Variants in CEP128 observed in about 807,000 individuals in gnomAD.
The protein encoded by CEP128 is centrosomal protein 128kDa.
Under a neutral mutation model 156.7 loss-of-function variants are expected in CEP128, and 132 were observed. That is an observed-to-expected ratio of 0.84 (90% CI 0.73 to 0.97). The LOEUF is 0.97. Ranked by LOEUF, CEP128 falls within the 50% of genes least tolerant of loss-of-function variation. The pLI, the probability that CEP128 is intolerant of heterozygous loss-of-function variation, is 0.00. For synonymous variants in CEP128, 469 were observed against 448.9 expected (o/e 1.04, Z -0.57); for missense variants, 1,252 against 1,281.9 (o/e 0.98, Z 0.36).
chr14:80,901,063 G>A (rs1033012487), intron 6 of CEP128, among the ~76,000 whole-genome samples: 19 of 151,888 alleles, frequency 1.3e-4, no homozygotes, highest in Non-Finnish European at 2.2e-4. Flanking sequence ...AAAATTAGCC[G>A]GGCGTGGTAG....
At chr14:80,600,393 A>G (rs959842240) in intron 19 of CEP128, among the ~76,000 whole-genome samples, 3 of 152,234 alleles carry the variant, frequency 2.0e-5, no homozygotes, top group African/African-American at 4.8e-5. Flanking sequence ...AGTGAGAGAA[A>G]AGTGACTTAT....
intron 19 of CEP128, among the ~76,000 whole-genome samples, chr14:80,685,136 T>C (rs1317528985): frequency 6.6e-6 from 1 of 152,006 alleles, no homozygotes; most frequent in Non-Finnish European, 1.5e-5. Flanking sequence ...ACCAACCAAT[T>C]ACCAAAAGAG....
At chr14:80,502,619 C>T (rs1887790313) in intron 24 of CEP128, among the ~76,000 whole-genome samples, 2 of 152,086 alleles carry the variant, frequency 1.3e-5, no homozygotes, top group South Asian at 4.1e-4. Context: ...TCTGACACCG[C>T]TTAGTCTGTG....
intron 9 of CEP128, among the ~76,000 whole-genome samples, chr14:80,857,746 AC>A (rs1566674701): frequency 3.4e-5 from 5 of 148,652 alleles, no homozygotes; most frequent in East Asian, 1.9e-4. Context: ...AAAAAAAACA[AC>A]AACAACAACA....
intron 19 of CEP128, among the ~76,000 whole-genome samples, chr14:80,582,315 C>T (rs1891626021): frequency 6.6e-6 from 1 of 152,144 alleles, no homozygotes; most frequent in Admixed American, 6.5e-5. Context: ...GACTTGCCAA[C>T]TGAAAGCAAT....
intron 6 of CEP128, among the ~76,000 whole-genome samples, chr14:80,900,725 T>G (rs1327822472): frequency 6.6e-6 from 1 of 152,172 alleles, no homozygotes; most frequent in African/African-American, 2.4e-5. Context: ...TTAGTAAAGC[T>G]GAATGTCAAA....
At chr14:80,523,279 A>T (rs1328901836) in intron 23 of CEP128, among the ~76,000 whole-genome samples, 1 of 152,202 alleles carries the variant, frequency 6.6e-6, no homozygotes, top group Non-Finnish European at 1.5e-5. Flanking sequence ...TCCTCTCCCA[A>T]ACTGAGATGT....
chr14:80,877,054 G>C (rs1025108072), intron 8 of CEP128, among the ~76,000 whole-genome samples: 4 of 152,152 alleles, frequency 2.6e-5, no homozygotes, highest in Admixed American at 6.5e-5. Flanking sequence ...GGGGTTTATG[G>C]AGTTGAGGTG....
intron 19 of CEP128, among the ~76,000 whole-genome samples, chr14:80,654,868 C>T (rs541589228): frequency 6.6e-6 from 1 of 152,206 alleles, no homozygotes; most frequent in African/African-American, 2.4e-5. Flanking sequence ...TTAGAGGCTA[C>T]AACTGCTCTT....
At chr14:80,642,103 A>G (rs1213259463) in intron 19 of CEP128, among the ~76,000 whole-genome samples, 2 of 150,936 alleles carry the variant, frequency 1.3e-5, no homozygotes, top group South Asian at 2.1e-4. Context: ...AAAAAAAAAG[A>G]AGAGAGAGAC....
At chr14:80,798,562 C>G (rs2139872220) in intron 13 of CEP128, among the ~76,000 whole-genome samples, 1 of 152,302 alleles carries the variant, frequency 6.6e-6, no homozygotes, top group African/African-American at 2.4e-5. Flanking sequence ...ATTTTAGACT[C>G]TCAGTAACCA....
intron 19 of CEP128, among the ~76,000 whole-genome samples, chr14:80,681,163 T>G (rs2139250581): frequency 6.6e-6 from 1 of 151,852 alleles, no homozygotes; most frequent in African/African-American, 2.4e-5. Context: ...ACCCTACCCA[T>G]GATCCTCTGC....
chr14:80,634,277 CT>C (rs1391744215), intron 19 of CEP128, among the ~76,000 whole-genome samples: 1 of 152,202 alleles, frequency 6.6e-6, no homozygotes, highest in East Asian at 1.9e-4. Context: ...TTTACACTCA[CT>C]ACATTCTAAT....
rs1350659487 is a variant in CEP128, at chr14:80,919,728, T to G, written c.-15-3166A>C. Among the ~76,000 whole-genome samples, 3 of 152,110 alleles carry G rather than the reference T, an allele frequency of 2.0e-5. No homozygotes were observed. The South Asian group carries it at 6.2e-4, about 32-fold the overall frequency. ...AAATTAAGAACAACATAAACTAAATTATCTCTAATCGTCATACAATACAAG... is the reference window on the plus strand; with the variant it reads ...AAATTAAGAACAACATAAACTAAATGATCTCTAATCGTCATACAATACAAG... On this transcript the variant is annotated intron_variant, in intron 2 of 24. Transcript: ENST00000555265.
intron 9 of CEP128, among the ~76,000 whole-genome samples, chr14:80,847,807 C>G (rs187876588): frequency 3.9e-5 from 6 of 152,282 alleles, no homozygotes; most frequent in Middle Eastern, 3.4e-3. Flanking sequence ...CTCAACTAAA[C>G]TAGGGGTCCC....
At chr14:80,572,016 G>C (rs1477832341) in intron 20 of CEP128, among the ~76,000 whole-genome samples, 1 of 152,218 alleles carries the variant, frequency 6.6e-6, no homozygotes, top group Non-Finnish European at 1.5e-5. Flanking sequence ...TTTTACCACA[G>C]TGTATGACAC....
At chr14:80,540,299 G>A (rs1035541847) in intron 21 of CEP128, among the ~76,000 whole-genome samples, 8 of 151,548 alleles carry the variant, frequency 5.3e-5, no homozygotes, top group Admixed American at 5.3e-4. Context: ...CGGCCCAGCT[G>A]TAAAATTTCT....
In CEP128 at chr14:80,823,359, G is replaced by T. The variant is rs141461288; in HGVS notation, c.1209+7784C>A. ...ACTTCCTGAAAGTCAGGGTCGGCTT[G>T]TGAAAAGTTGTTAAACAACATGCTA... On this transcript the variant is annotated intron_variant, in intron 13 of 24. Coordinates refer to ENST00000555265, the MANE Select transcript of CEP128 (RefSeq NM_152446.5). Among the ~76,000 whole-genome samples the T allele has an allele frequency of 9.2e-4, 140 of 152,326 alleles. 1 individual carries two copies. The highest frequency in any genetic ancestry group is 3.3e-3 in the African/African-American group (136 of 41,574).
chr14:80,835,615 T>C (rs1886031222), intron 12 of CEP128, among the ~76,000 whole-genome samples: 1 of 152,074 alleles, frequency 6.6e-6, no homozygotes, highest in Non-Finnish European at 1.5e-5. Context: ...AACCTGAATA[T>C]ACATCCAGTC....
Sources: allele counts gnomAD v4.1 joint callset (sites outside exome capture counted in the v4.1 genomes callset), GRCh38; gene constraint gnomAD v4.1.1; transcripts MANE v1.5; gene names NCBI Gene and HGNC (gene_info 2026-07-23, HGNC 2026-07-21).